Variants in ALCAM observed in about 807,000 individuals in gnomAD.
ALCAM encodes CD166 antigen.
Under a neutral mutation model 70.9 loss-of-function variants are expected in ALCAM, and 30 were observed. The ratio of observed to expected loss-of-function variants is 0.42; its 90% CI spans 0.32 to 0.57. The LOEUF is 0.57. Among genes scored for constraint, ALCAM ranks in the 20% least tolerant of loss-of-function variants. The probability of loss-of-function intolerance (pLI) is 0.11; values close to 1 mark genes in which losing one functional copy is unlikely to be tolerated. For synonymous variants in ALCAM, 249 were observed against 242.5 expected (o/e 1.03, Z -0.25); for missense variants, 591 against 695.1 (o/e 0.85, Z 1.68).
intron 3 of ALCAM, among the ~76,000 whole-genome samples, chr3:105,527,928 G>T (rs2252459): frequency 6.8e-6 from 1 of 146,148 alleles, no homozygotes; most frequent in African/African-American, 2.5e-5. Flanking sequence ...TGAGGGGGGA[G>T]GAAGCAGAAA....
intron 14 of ALCAM, among the ~76,000 whole-genome samples, chr3:105,568,015 A>G (rs1940780134): frequency 6.6e-6 from 1 of 150,968 alleles, no homozygotes. Context: ...TCTTAGGATG[A>G]ATGTCTAGTT....
chr3:105,478,615 G>C (rs998131145), intron 1 of ALCAM, among the ~76,000 whole-genome samples: 3 of 152,076 alleles, frequency 2.0e-5, no homozygotes, highest in African/African-American at 4.8e-5. Flanking sequence ...TTATATTTCA[G>C]TGCTTTTGAG....
intron 14 of ALCAM, among the ~76,000 whole-genome samples, chr3:105,554,099 G>A (rs1259168270): frequency 1.3e-5 from 2 of 151,874 alleles, no homozygotes; most frequent in African/African-American, 2.4e-5. Context: ...GAGGGTGTGT[G>A]TGTGTGTGTA....
At chr3:105,483,022 G>A (rs1269070097) in intron 1 of ALCAM, among the ~76,000 whole-genome samples, 2 of 152,088 alleles carry the variant, frequency 1.3e-5, no homozygotes, top group Non-Finnish European at 1.5e-5. Context: ...AAGGGGATTA[G>A]TAGAAAACCA....
intron 14 of ALCAM, among the ~76,000 whole-genome samples, chr3:105,553,575 A>G (rs1235675292): frequency 6.6e-6 from 1 of 151,822 alleles, no homozygotes; most frequent in Non-Finnish European, 1.5e-5. Context: ...TCAGATTTAA[A>G]TCAGGACCCA....
chr3:105,439,169 T>A (rs561554223), intron 1 of ALCAM, among the ~76,000 whole-genome samples: 39 of 152,274 alleles, frequency 2.6e-4, no homozygotes, highest in African/African-American at 9.4e-4. Flanking sequence ...GATACAGGAT[T>A]TGTATTTCTC....
intron 1 of ALCAM, among the ~76,000 whole-genome samples, chr3:105,513,045 G>T (rs1051633783): frequency 6.6e-6 from 1 of 151,668 alleles, no homozygotes; most frequent in Admixed American, 6.6e-5. Context: ...ACAAAATCTA[G>T]ATTTTTTTGG....
chr3:105,409,980 A>G (rs1251875411), intron 1 of ALCAM, among the ~76,000 whole-genome samples: 1 of 152,092 alleles, frequency 6.6e-6, no homozygotes, highest in East Asian at 1.9e-4. Context: ...TGATGACCCC[A>G]GCGTTGACAC....
intron 1 of ALCAM, among the ~76,000 whole-genome samples, chr3:105,417,358 A>C (rs1331367035): frequency 6.6e-6 from 1 of 151,784 alleles, no homozygotes; most frequent in Non-Finnish European, 1.5e-5. Context: ...TTTAATTTTT[A>C]AGTTCCTTGA....
chr3:105,430,324 A>G (rs1936898498), intron 1 of ALCAM, among the ~76,000 whole-genome samples: 1 of 151,994 alleles, frequency 6.6e-6, no homozygotes, highest in Non-Finnish European at 1.5e-5. Context: ...TGTGACATTT[A>G]CATACCACTT....
chr3:105,569,174 A>T (rs1042524766), intron 14 of ALCAM, among the ~76,000 whole-genome samples: 2 of 151,998 alleles, frequency 1.3e-5, no homozygotes, highest in Non-Finnish European at 2.9e-5. Flanking sequence ...ACTTTAGATG[A>T]AAGGAGTGGC....
chr3:105,446,986 A>G (rs921505861), intron 1 of ALCAM, among the ~76,000 whole-genome samples: 1 of 152,144 alleles, frequency 6.6e-6, no homozygotes, highest in African/African-American at 2.4e-5. Flanking sequence ...TATTTTAAAT[A>G]GCTGGAAAAG....
intron 14 of ALCAM, among the ~76,000 whole-genome samples, chr3:105,567,483 G>C (rs1940769890): frequency 1.3e-5 from 2 of 150,560 alleles, no homozygotes; most frequent in South Asian, 4.2e-4. Flanking sequence ...CTTTTTTACT[G>C]TTTTCTTTCT....
intron 1 of ALCAM, among the ~76,000 whole-genome samples, chr3:105,462,580 A>C (rs891378230): frequency 6.6e-5 from 10 of 151,530 alleles, no homozygotes; most frequent in Non-Finnish European, 1.3e-4. Flanking sequence ...TTATGCGTTT[A>C]AAAATAATTA....
chr3:105,552,405 A>G, intron 13 of ALCAM, 63 bp from the exon 14 acceptor site: 2 of 1,514,444 alleles, frequency 1.3e-6, no homozygotes, highest in Non-Finnish European at 1.8e-6. Context: ...TAATAGCTAG[A>G]TTGACTTTCT....
At chr3:105,390,047 AC>A (rs778194013) in intron 1 of ALCAM, among the ~76,000 whole-genome samples, 1 of 151,912 alleles carries the variant, frequency 6.6e-6, no homozygotes, top group Non-Finnish European at 1.5e-5. Context: ...CAATGATCAT[AC>A]CTGTGCATGT....
intron 1 of ALCAM, among the ~76,000 whole-genome samples, chr3:105,454,653 ATTTTTTTTTTTTTTTTTT>A (rs59389132): frequency 4.9e-5 from 3 of 61,792 alleles, no homozygotes; most frequent in East Asian, 6.0e-4. Context: ...ATGCTCATTA[ATTTTTTTTTTTTTTTTTT>A]TTTTTTTTTT....
intron 14 of ALCAM, among the ~76,000 whole-genome samples, chr3:105,558,225 C>T (rs1940559735): frequency 6.6e-6 from 1 of 152,062 alleles, no homozygotes; most frequent in Non-Finnish European, 1.5e-5. Flanking sequence ...GGCAGGGATG[C>T]TCACGGAAAA....
intron 14 of ALCAM, among the ~76,000 whole-genome samples, chr3:105,568,058 A>ATTTTTTTTTTTTTT (rs34005304): frequency 8.6e-6 from 1 of 116,242 alleles, no homozygotes; most frequent in African/African-American, 3.0e-5. Context: ...ATTTTATTTT[A>ATTTTTTTTTTTTTT]TTTTATTTTT....
Sources: gnomAD v4.1 joint callset for allele counts (sites outside exome capture counted in the v4.1 genomes callset) on GRCh38, gnomAD v4.1.1 for gene constraint, MANE v1.5 for transcripts, NCBI Gene and HGNC (gene_info 2026-07-23, HGNC 2026-07-21) for gene names.